Variants in OSBPL8 observed in about 807,000 individuals in gnomAD.
The protein encoded by OSBPL8 is oxysterol-binding protein-related protein 8.
A neutral mutation model predicts 125.5 loss-of-function variants in OSBPL8; 59 were observed. That is an observed-to-expected ratio of 0.47 (90% CI 0.38 to 0.58). The LOEUF is 0.58. Ranked by LOEUF, OSBPL8 falls within the 20% of genes least tolerant of loss-of-function variation. OSBPL8 has a pLI of 0.00. For synonymous variants in OSBPL8, 330 were observed against 338.9 expected (o/e 0.97, Z 0.29); for missense variants, 758 against 1,047.8 (o/e 0.72, Z 3.82).
At chr12:76,395,607 T>C (rs1953757943) in intron 8 of OSBPL8, among the ~76,000 whole-genome samples, 1 of 152,158 alleles carries the variant, frequency 6.6e-6, no homozygotes, top group South Asian at 2.1e-4. Context: ...CTAAAACCAG[T>C]ATATAGTGGG....
intron 2 of OSBPL8, among the ~76,000 whole-genome samples, chr12:76,473,774 C>G (rs184154538): frequency 6.6e-6 from 1 of 152,270 alleles, no homozygotes; most frequent in African/African-American, 2.4e-5. Flanking sequence ...CCTGTATGAT[C>G]TGATTCAAAG....
chr12:76,435,777 A>G (rs1002793320), intron 4 of OSBPL8, among the ~76,000 whole-genome samples: 1 of 152,228 alleles, frequency 6.6e-6, no homozygotes, highest in Admixed American at 6.5e-5. Context: ...AGGAGAGTCT[A>G]TAGAACCTAA....
intron 1 of OSBPL8, among the ~76,000 whole-genome samples, chr12:76,519,713 A>C (rs1472604331): frequency 6.6e-6 from 1 of 152,198 alleles, no homozygotes; most frequent in Non-Finnish European, 1.5e-5. Flanking sequence ...GGAAGGTTAC[A>C]TCATGGGGAA....
intron 2 of OSBPL8, among the ~76,000 whole-genome samples, chr12:76,481,112 A>C (rs1467850952): frequency 1.3e-5 from 2 of 152,196 alleles, no homozygotes; most frequent in Non-Finnish European, 2.9e-5. Flanking sequence ...TAAAAGCAAG[A>C]AAATGGATTC....
In OSBPL8 at chr12:76,372,172, T is replaced by C. The variant is rs1041936465; in HGVS notation, c.1918-588A>G. On this transcript the variant is annotated intron_variant, in intron 18 of 23. Transcript: ENST00000261183. ...CTACCTGTTTAACCATCCTTCTCCTTCTCTCTCTCTCTGTCATCTCTCACT... is the reference window on the plus strand; with the variant it reads ...CTACCTGTTTAACCATCCTTCTCCTCCTCTCTCTCTCTGTCATCTCTCACT... Among the ~76,000 whole-genome samples, 12 of 151,348 alleles carry C rather than the reference T, an allele frequency of 7.9e-5. No homozygotes were observed. In the East Asian group the frequency reaches 9.7e-4, roughly 12 times the overall value.
chr12:76,358,249 G>A (rs989573085), intron 22 of OSBPL8, among the ~76,000 whole-genome samples: 1 of 140,466 alleles, frequency 7.1e-6, no homozygotes, highest in African/African-American at 2.7e-5. Flanking sequence ...GTGTGATCTC[G>A]GTTCAGTGCA....
At chr12:76,470,288 T>C (rs1233642880) in intron 2 of OSBPL8, among the ~76,000 whole-genome samples, 1 of 152,224 alleles carries the variant, frequency 6.6e-6, no homozygotes, top group African/African-American at 2.4e-5. Context: ...GCTATAACCT[T>C]GAGCTTTGAC....
At chr12:76,415,505 C>T (rs770701915) in intron 4 of OSBPL8, among the ~76,000 whole-genome samples, 130 of 152,296 alleles carry the variant, frequency 8.5e-4, no homozygotes, top group Non-Finnish European at 1.6e-3. Context: ...GCCTTGGCCT[C>T]CTAAAGTCCT....
At chr12:76,499,703 T>A (rs1322374280) in intron 1 of OSBPL8, among the ~76,000 whole-genome samples, 3 of 151,974 alleles carry the variant, frequency 2.0e-5, no homozygotes, top group Non-Finnish European at 1.5e-5. Context: ...ATACAAAAAT[T>A]AGCCGGGCAT....
At chr12:76,499,581 T>C (rs1879680520) in intron 1 of OSBPL8, among the ~76,000 whole-genome samples, 1 of 152,084 alleles carries the variant, frequency 6.6e-6, no homozygotes, top group African/African-American at 2.4e-5. Flanking sequence ...CCAGGTACAG[T>C]AGCTCATGCC....
intron 1 of OSBPL8, among the ~76,000 whole-genome samples, chr12:76,537,519 T>C (rs1018884498): frequency 1.3e-4 from 20 of 152,296 alleles, no homozygotes; most frequent in Middle Eastern, 6.8e-3. Context: ...ACAAAGATAA[T>C]AGTTATAGTA....
intron 21 of OSBPL8, among the ~76,000 whole-genome samples, chr12:76,362,154 C>T (rs139442260): frequency 6.6e-6 from 1 of 152,264 alleles, no homozygotes; most frequent in East Asian, 1.9e-4. Context: ...TAGAAATCCA[C>T]ATTTCTAGAG....
At chr12:76,384,918 A>G (rs557478033) in intron 14 of OSBPL8, among the ~76,000 whole-genome samples, 4 of 152,326 alleles carry the variant, frequency 2.6e-5, no homozygotes, top group Admixed American at 2.6e-4. Flanking sequence ...ACCTCATCAT[A>G]TAAGATAATA....
chr12:76,555,367 T>C (rs919846893), intron 1 of OSBPL8, among the ~76,000 whole-genome samples: 1 of 150,764 alleles, frequency 6.6e-6, no homozygotes, highest in Admixed American at 6.6e-5. Context: ...GTAATACAAT[T>C]AGGCCTCATT....
chr12:76,386,361 G>A (rs995307668), intron 13 of OSBPL8, 95 bp from the exon 14 acceptor site: 7 of 1,431,780 alleles, frequency 4.9e-6, no homozygotes, highest in African/African-American at 1.5e-5. Context: ...TACCATCTGG[G>A]AACCGTCCTT....
intron 4 of OSBPL8, among the ~76,000 whole-genome samples, chr12:76,445,247 AG>A (rs1443344964): frequency 6.6e-6 from 1 of 152,234 alleles, no homozygotes; most frequent in Non-Finnish European, 1.5e-5. Flanking sequence ...ATAAAAATCA[AG>A]AGATAAATCA....
chr12:76,559,028 C>G (rs181463805), intron 1 of OSBPL8, among the ~76,000 whole-genome samples: 1 of 152,314 alleles, frequency 6.6e-6, no homozygotes, highest in African/African-American at 2.4e-5. Flanking sequence ...TTAACCGCAC[C>G]GAGCGACAAA....
At chr12:76,466,281 A>T (rs1410624283) in intron 2 of OSBPL8, among the ~76,000 whole-genome samples, 1 of 152,140 alleles carries the variant, frequency 6.6e-6, no homozygotes, top group African/African-American at 2.4e-5. Flanking sequence ...TTTGAAAAAA[A>T]TATAAAGTTT....
chr12:76,453,525 C>T (rs1873666955), intron 3 of OSBPL8, among the ~76,000 whole-genome samples: 1 of 151,994 alleles, frequency 6.6e-6, no homozygotes, highest in South Asian at 2.1e-4. Flanking sequence ...AACTGGTCAT[C>T]AATATTGGAA....
Sources: allele counts gnomAD v4.1 joint callset (sites outside exome capture counted in the v4.1 genomes callset), GRCh38; gene constraint gnomAD v4.1.1; transcripts MANE v1.5; gene names NCBI Gene and HGNC (gene_info 2026-07-23, HGNC 2026-07-21).